Variants in ST6GAL2 observed in about 807,000 individuals in gnomAD.
ST6GAL2 encodes the protein beta-galactoside alpha-2,6-sialyltransferase 2.
Under a neutral mutation model 37.5 loss-of-function variants are expected in ST6GAL2, and 24 were observed. That is an observed-to-expected ratio of 0.64 (90% confidence interval 0.46 to 0.90). The LOEUF (loss-of-function observed/expected upper bound fraction) is 0.90. Among genes scored for constraint, ST6GAL2 ranks in the 40% least tolerant of loss-of-function variants. The pLI, the probability that ST6GAL2 is intolerant of heterozygous loss-of-function variation, is 0.00. For synonymous variants in ST6GAL2, 306 were observed against 295.1 expected, an observed-to-expected ratio of 1.04 and a Z score of -0.38; for missense variants, 715 against 712.7, an observed-to-expected ratio of 1.00 and a Z score of -0.04.
intron 2 of ST6GAL2, among the ~76,000 whole-genome samples, chr2:106,839,225 A>G (rs1343309549): frequency 6.6e-6 from 1 of 151,700 alleles, no homozygotes; most frequent in Non-Finnish European, 1.5e-5. Context: ...GAGCCCATGT[A>G]CTCCCTGTAG....
chr2:106,856,186 A>C lies in ST6GAL2; in HGVS notation c.-57-12152T>G, dbSNP rs148807349. 8.2e-3 allele frequency among the ~76,000 whole-genome samples: 1,253 copies of C among 152,374 alleles called. 4 individuals carry two copies. The highest frequency in any genetic ancestry group is 0.011 in the Non-Finnish European group (743 of 68,032). On this transcript the variant is annotated intron_variant, in intron 1 of 5. Transcript: ENST00000409382. ...TAAACAATAGATACGTAAAAATCCCAGCTCTGCTGTGTGCCTGCAGGCTGA... is the reference window on the plus strand; with the variant it reads ...TAAACAATAGATACGTAAAAATCCCCGCTCTGCTGTGTGCCTGCAGGCTGA...
intron 1 of ST6GAL2, among the ~76,000 whole-genome samples, chr2:106,854,593 C>CAT (rs1677498844): frequency 6.6e-6 from 1 of 151,874 alleles, no homozygotes; most frequent in African/African-American, 2.4e-5. Flanking sequence ...TATAATACAC[C>CAT]ATATTGGTGC....
intron 1 of ST6GAL2, among the ~76,000 whole-genome samples, chr2:106,854,720 A>T (rs992481185): frequency 6.6e-6 from 1 of 152,144 alleles, no homozygotes; most frequent in Non-Finnish European, 1.5e-5. Context: ...GCACAGAATA[A>T]GGCCTGCCTA....
In ST6GAL2 at chr2:106,804,854, A is replaced by AG. The variant is rs1675366900; in HGVS notation, c.*1823_*1824insC. 1 of 151,420 alleles carries AG rather than the reference A, an allele frequency of 6.6e-6. No homozygotes were observed. The highest frequency in any genetic ancestry group is 1.5e-5 in the Non-Finnish European group (1 of 67,952). The allele number at this position is 151,420 out of a possible 1,614,324, so 9.4% of individuals were successfully genotyped here. On this transcript the variant is annotated 3_prime_UTR_variant, in exon 6 of 6. Transcript: ENST00000409382. ...GAGAGACTGTCTCAAAAAAAAAAAA[A>AG]AAAAAGAAAAGAAAAGAAATTAGAA...
chr2:106,874,800 A>G (rs1158144474), intron 1 of ST6GAL2, among the ~76,000 whole-genome samples: 1 of 152,212 alleles, frequency 6.6e-6, no homozygotes, highest in African/African-American at 2.4e-5. Context: ...GCATAAACAC[A>G]TATTTTCAAG....
chr2:106,821,753 A>C (rs1201949701), intron 5 of ST6GAL2, among the ~76,000 whole-genome samples: 1 of 152,156 alleles, frequency 6.6e-6, no homozygotes, highest in Non-Finnish European at 1.5e-5. Flanking sequence ...ATTGATTTTA[A>C]AAAATCCTCA....
chr2:106,847,892 A>T (rs1677205050), intron 1 of ST6GAL2, among the ~76,000 whole-genome samples: 1 of 152,110 alleles, frequency 6.6e-6, no homozygotes, highest in South Asian at 2.1e-4. Context: ...CCCAGAATCT[A>T]GAGTTGTTAT....
intron 1 of ST6GAL2, among the ~76,000 whole-genome samples, chr2:106,845,744 C>T (rs1240082620): frequency 6.6e-6 from 1 of 152,146 alleles, no homozygotes; most frequent in Non-Finnish European, 1.5e-5. Flanking sequence ...AAGGTGGACA[C>T]AGATTCTGTG....
intron 1 of ST6GAL2, among the ~76,000 whole-genome samples, chr2:106,853,981 C>T (rs1330573915): frequency 1.3e-5 from 2 of 152,146 alleles, no homozygotes; most frequent in Non-Finnish European, 2.9e-5. Flanking sequence ...CAGAAATGTG[C>T]CAAGGCTCAT....
intron 1 of ST6GAL2, among the ~76,000 whole-genome samples, chr2:106,878,279 AG>A (rs1678591328): frequency 6.6e-6 from 1 of 152,204 alleles, no homozygotes; most frequent in Non-Finnish European, 1.5e-5. Flanking sequence ...CCTGGGCAAC[AG>A]AGTGAGACCC....
chr2:106,804,083 G>C lies in ST6GAL2; in HGVS notation c.*2595C>G, dbSNP rs975963860. On this transcript the variant is annotated 3_prime_UTR_variant, in exon 6 of 6. Coordinates refer to ENST00000409382, the MANE Select transcript of ST6GAL2 (RefSeq NM_001142351.2). ...TATTACATTTATTGACTGTTGAACA[G>C]AGCCTGATTCCCAAGAGTCTTTAAG... The C allele has an allele frequency of 6.6e-6, 1 of 152,150 alleles. No individual in the cohort carries two copies. Among genetic ancestry groups the C allele is most frequent in the African/African-American group, 2.4e-5 (1 of 41,442 alleles). The allele number at this position is 152,150 out of a possible 1,614,324, so 9.4% of individuals were successfully genotyped here.
chr2:106,842,727 A>G (rs1395027642), intron 2 of ST6GAL2, among the ~76,000 whole-genome samples: 1 of 152,060 alleles, frequency 6.6e-6, no homozygotes, highest in African/African-American at 2.4e-5. Flanking sequence ...GCCGGGGGCA[A>G]AGGGCGGCGC....
At chr2:106,837,757 T>C (rs1322057135) in intron 2 of ST6GAL2, among the ~76,000 whole-genome samples, 1 of 152,192 alleles carries the variant, frequency 6.6e-6, no homozygotes, top group Non-Finnish European at 1.5e-5. Flanking sequence ...TCTGAATTAA[T>C]TGCATCACCC....
At chr2:106,878,289 C>A (rs1277341106) in intron 1 of ST6GAL2, among the ~76,000 whole-genome samples, 1 of 152,004 alleles carries the variant, frequency 6.6e-6, no homozygotes, top group Non-Finnish European at 1.5e-5. Context: ...AGAGTGAGAC[C>A]CTGTCTCTCC....
chr2:106,875,899 A>T (rs1444989437), intron 1 of ST6GAL2, among the ~76,000 whole-genome samples: 3 of 152,170 alleles, frequency 2.0e-5, no homozygotes, highest in Admixed American at 6.5e-5. Context: ...GCAATATTAA[A>T]TTTTTTCCAA....
At chr2:106,855,599 G>GA (rs1677543656) in intron 1 of ST6GAL2, among the ~76,000 whole-genome samples, 1 of 151,970 alleles carries the variant, frequency 6.6e-6, no homozygotes, top group African/African-American at 2.4e-5. Flanking sequence ...TCCTTATAAA[G>GA]AAAAAATTGG....
intron 1 of ST6GAL2, among the ~76,000 whole-genome samples, chr2:106,881,793 T>A (rs1432218655): frequency 6.6e-6 from 1 of 152,242 alleles, no homozygotes; most frequent in Non-Finnish European, 1.5e-5. Flanking sequence ...GAACTTAGTG[T>A]GAATTATAAA....
chr2:106,867,668 T>C (rs1678090434), intron 1 of ST6GAL2, among the ~76,000 whole-genome samples: 1 of 152,150 alleles, frequency 6.6e-6, no homozygotes, highest in South Asian at 2.1e-4. Flanking sequence ...GCAGGTCTAA[T>C]CTTTCAGGGC....
chr2:106,856,037 AG>A (rs1342001018), intron 1 of ST6GAL2, among the ~76,000 whole-genome samples: 1 of 152,242 alleles, frequency 6.6e-6, no homozygotes, highest in Non-Finnish European at 1.5e-5. Flanking sequence ...AAACTTGGAC[AG>A]GTTTCTTTAC....
Sources: allele counts gnomAD v4.1 joint callset (sites outside exome capture counted in the v4.1 genomes callset), GRCh38; gene constraint gnomAD v4.1.1; transcripts MANE v1.5; gene names NCBI Gene and HGNC (gene_info 2026-07-23, HGNC 2026-07-21).